KCNH7: variants seen among roughly 807,000 people sequenced by gnomAD.
KCNH7 encodes the protein voltage-gated inwardly rectifying potassium channel KCNH7.
A neutral mutation model predicts 120.8 loss-of-function variants in KCNH7; 49 were observed. The observed-to-expected ratio is 0.41, with a 90% CI of 0.32 to 0.51. The LOEUF is 0.51. KCNH7 is among the 20% of genes least tolerant of loss of function. KCNH7 has a pLI of 0.38. For missense variants in KCNH7, 1,097 were observed against 1,446.6 expected (o/e 0.76, Z 3.92); for synonymous variants, 547 against 516.1 (o/e 1.06, Z -0.81).
At position 162,710,107 on chromosome 2, in the gene KCNH7, T is replaced by C. The variant is rs977177360; in HGVS notation, c.307+126430A>G. Among the ~76,000 whole-genome samples, 5 of 152,262 alleles carry C rather than the reference T, an allele frequency of 3.3e-5. No homozygotes were observed. The East Asian group carries it at 5.8e-4, about 18-fold the overall frequency. On this transcript the variant is annotated intron_variant, in intron 2 of 15. Coordinates refer to ENST00000332142, the MANE Select transcript of KCNH7 (RefSeq NM_033272.4). ...GACTTGCCAATAATGTGAGCAGAGA[T>C]GGTCAGATGTTAAAATAGCTTTGCT...
At chr2:162,727,170 G>A (rs1239654128) in intron 2 of KCNH7, among the ~76,000 whole-genome samples, 1 of 152,144 alleles carries the variant, frequency 6.6e-6, no homozygotes, top group Non-Finnish European at 1.5e-5. Context: ...TCCAAGGACA[G>A]CTTAATAGCT....
At position 162,504,577 on chromosome 2, in the gene KCNH7, T is replaced by A; in HGVS notation, c.994A>T (p.Ile332Phe). Residue 332 changes from isoleucine to phenylalanine, a missense_variant, in exon 6 of 16, where the codon ATT becomes TTT. Around this residue, in one of 8 missense-constraint regions of KCNH7, gnomAD observed 362 missense variants for 372.2 expected, o/e 0.97. Coordinates refer to ENST00000332142, the MANE Select transcript of KCNH7 (RefSeq NM_033272.4). ...GAAAAATTCAGAGTGAGCTGTGGAA[T>A]CTTGTTAATGGTGCTGTATTTGTTG... The part of the protein sequence containing the change: ...NLNKYSTINK[I>F]PQLTLNFSEV... 1 of 1,612,946 alleles carries A rather than the reference T, an allele frequency of 6.2e-7. No homozygotes were observed. The highest frequency in any genetic ancestry group is 8.5e-7 in the Non-Finnish European group (1 of 1,179,184).
intron 2 of KCNH7, among the ~76,000 whole-genome samples, chr2:162,771,735 C>T (rs1683060551): frequency 6.6e-6 from 1 of 151,748 alleles, no homozygotes; most frequent in South Asian, 2.1e-4. Context: ...GATTTTTTTC[C>T]TAGCCTTTTA....
rs548675527 is a variant in KCNH7 at position 162,576,927 on chromosome 2, T to C, written c.308-39847A>G. Among the ~76,000 whole-genome samples the C allele has an allele frequency of 6.6e-5, 10 of 152,074 alleles. No homozygotes were observed. In the South Asian group the frequency reaches 8.3e-4, roughly 13 times the overall value. Reference sequence around the variant, plus strand: ...TCTTCTTTATTTATTTATTTATTTATTGGAGACAGGATCTTGCTCTGTTGC... The same window carrying C: ...TCTTCTTTATTTATTTATTTATTTACTGGAGACAGGATCTTGCTCTGTTGC... On this transcript the variant is annotated intron_variant, in intron 2 of 15. Coordinates refer to ENST00000332142, the MANE Select transcript of KCNH7 (RefSeq NM_033272.4).
intron 2 of KCNH7, among the ~76,000 whole-genome samples, chr2:162,614,028 T>C (rs1269568220): frequency 2.0e-5 from 3 of 151,890 alleles, no homozygotes; most frequent in African/African-American, 4.8e-5. Context: ...TACCCACTTC[T>C]AGTGGGAGTC....
chr2:162,396,114 G>A (rs187750041), intron 11 of KCNH7, among the ~76,000 whole-genome samples: 130 of 151,780 alleles, frequency 8.6e-4, no homozygotes, highest in African/African-American at 2.7e-3. Context: ...CAGTAGAAAA[G>A]AGTAAGGAAC....
At chr2:162,655,916 A>G (rs1684739213) in intron 2 of KCNH7, among the ~76,000 whole-genome samples, 1 of 152,204 alleles carries the variant, frequency 6.6e-6, no homozygotes, top group Admixed American at 6.5e-5. Context: ...GATAATAACA[A>G]TGACATCTCT....
chr2:162,493,940 A>G (rs933638222), intron 6 of KCNH7, among the ~76,000 whole-genome samples: 1 of 152,208 alleles, frequency 6.6e-6, no homozygotes, highest in Non-Finnish European at 1.5e-5. Flanking sequence ...CATATTGACC[A>G]ACTTCAAAAA....
At chr2:162,489,333 C>T (rs190331943) in intron 6 of KCNH7, among the ~76,000 whole-genome samples, 10 of 152,040 alleles carry the variant, frequency 6.6e-5, no homozygotes, top group South Asian at 2.1e-4. Flanking sequence ...TTGTTTTGGG[C>T]CACACATTAA....
intron 2 of KCNH7, among the ~76,000 whole-genome samples, chr2:162,747,296 A>G (rs1688349245): frequency 6.6e-6 from 1 of 152,170 alleles, no homozygotes; most frequent in East Asian, 1.9e-4. Flanking sequence ...TTAGGTTTTG[A>G]GGGTTTAACA....
intron 2 of KCNH7, among the ~76,000 whole-genome samples, chr2:162,752,965 A>ACCCCTGACTAAT (rs1688638076): frequency 8.5e-6 from 1 of 117,460 alleles, no homozygotes; most frequent in East Asian, 3.9e-4. Flanking sequence ...AAAGAAAAGA[A>ACCCCTGACTAAT]AAGAAAAGAA....
chr2:162,429,469 T>A (rs11899393), intron 8 of KCNH7, among the ~76,000 whole-genome samples: 10,589 of 149,680 alleles, frequency 0.071, 1,253 homozygotes, highest in African/African-American at 0.24. Flanking sequence ...TCATCTGGTA[T>A]AATTTTCTTT....
chr2:162,728,396 AT>A (rs754616628), intron 2 of KCNH7, among the ~76,000 whole-genome samples: 5 of 152,088 alleles, frequency 3.3e-5, no homozygotes, highest in Non-Finnish European at 5.9e-5. Context: ...TTCAAGTTTT[AT>A]TAGAAATATG....
intron 8 of KCNH7, among the ~76,000 whole-genome samples, chr2:162,434,316 C>T (rs1315389042): frequency 6.6e-6 from 1 of 151,902 alleles, no homozygotes. Context: ...TCATTCATAC[C>T]CCAAACTTCA....
intron 7 of KCNH7, among the ~76,000 whole-genome samples, chr2:162,437,815 A>G (rs527895708): frequency 6.6e-6 from 1 of 152,228 alleles, no homozygotes; most frequent in African/African-American, 2.4e-5. Flanking sequence ...TAAACGCAAT[A>G]CTTAGATATC....
intron 6 of KCNH7, among the ~76,000 whole-genome samples, chr2:162,500,580 C>T (rs1468827255): frequency 2.6e-5 from 4 of 151,802 alleles, no homozygotes; most frequent in South Asian, 4.1e-4. Context: ...ACAGGAGCAG[C>T]GATTATTCTT....
intron 3 of KCNH7, among the ~76,000 whole-genome samples, chr2:162,528,618 A>ATTGTAGCT (rs1691798384): frequency 1.3e-5 from 2 of 151,992 alleles, no homozygotes; most frequent in African/African-American, 4.8e-5. Flanking sequence ...CAGAAGCTAT[A>ATTGTAGCT]TCATGATAGG....
In KCNH7 at chr2:162,446,392, G is replaced by A. The variant is rs1404227109; in HGVS notation, c.1180C>T (p.Arg394Cys). The change falls in exon 7 of 16, where the codon CGC becomes TGC. Residue 394 changes from arginine to cysteine, a missense_variant. Transcript: ENST00000332142. ...TGCAATATCGTAAACTTGTTGATGCGTGGTGTCTGCAGTTTGTATTCAGGT... is the reference window on the plus strand; with the variant it reads ...TGCAATATCGTAAACTTGTTGATGCATGGTGTCTGCAGTTTGTATTCAGGT... Reference protein sequence around the residue: ...VLPEYKLQTPRINKFTILHYS... With the variant: ...VLPEYKLQTPCINKFTILHYS... 1.9e-6 allele frequency: 3 copies of A among 1,613,522 alleles called. No homozygotes were observed. Among genetic ancestry groups the A allele is most frequent in the Non-Finnish European group, 1.7e-6 (2 of 1,179,682 alleles).
intron 9 of KCNH7, among the ~76,000 whole-genome samples, chr2:162,420,327 G>C (rs1002295055): frequency 6.6e-5 from 10 of 152,286 alleles, no homozygotes; most frequent in Non-Finnish European, 1.3e-4. Flanking sequence ...AGTGAGCCTA[G>C]ATGGCACTGC....
Sources: allele counts gnomAD v4.1 joint callset (sites outside exome capture counted in the v4.1 genomes callset), GRCh38; gene constraint gnomAD v4.1.1; regional missense constraint gnomAD v4.1.1; transcripts MANE v1.5; gene names NCBI Gene and HGNC (gene_info 2026-07-23, HGNC 2026-07-21).